WDR70: variants seen among roughly 807,000 people sequenced by gnomAD.
WDR70 encodes the protein WD repeat-containing protein 70.
A neutral mutation model predicts 88.6 loss-of-function variants in WDR70; 53 were observed. The ratio of observed to expected loss-of-function variants is 0.60; its 90% CI spans 0.48 to 0.75. WDR70 has a LOEUF of 0.75. Among genes scored for constraint, WDR70 ranks in the 30% least tolerant of loss-of-function variants. WDR70 has a pLI of 0.00. For synonymous variants in WDR70, 280 were observed against 270.0 expected (o/e 1.04, Z -0.36); for missense variants, 610 against 823.2 (o/e 0.74, Z 3.17).
At chr5:37,655,204 AGCTTAGTTTG>A (rs1745518378) in intron 10 of WDR70, among the ~76,000 whole-genome samples, 1 of 152,102 alleles carries the variant, frequency 6.6e-6, no homozygotes, top group Admixed American at 6.5e-5. Context: ...TCGCTTATGA[AGCTTAGTTTG>A]GCTGGTTATG....
chr5:37,701,785 CA>C (rs58402399), intron 12 of WDR70, among the ~76,000 whole-genome samples: 28,725 of 114,536 alleles, frequency 0.25, 2,592 homozygotes, highest in Admixed American at 0.34. Flanking sequence ...GACTCCATCT[CA>C]AAAAAAAAAA....
chr5:37,710,973 C>T (rs938508123), intron 13 of WDR70, among the ~76,000 whole-genome samples: 29 of 151,878 alleles, frequency 1.9e-4, no homozygotes, highest in African/African-American at 6.3e-4. Context: ...TCTGAAAAAC[C>T]CTATGCCTTC....
chr5:37,577,329 G>A (rs538899), intron 9 of WDR70, among the ~76,000 whole-genome samples: 116,916 of 151,932 alleles, frequency 0.77, 45,505 homozygotes, highest in African/African-American at 0.88. Flanking sequence ...AAATAAAAAA[G>A]GAATAAACCA....
chr5:37,551,888 C>G (rs796405341), intron 9 of WDR70, among the ~76,000 whole-genome samples: 7 of 149,548 alleles, frequency 4.7e-5, no homozygotes, highest in African/African-American at 1.7e-4. Flanking sequence ...TCACCTGCCT[C>G]AGCCTCCCGA....
At chr5:37,435,816 G>A (rs1378266535) in intron 5 of WDR70, among the ~76,000 whole-genome samples, 2 of 152,110 alleles carry the variant, frequency 1.3e-5, no homozygotes, top group South Asian at 2.1e-4. Context: ...ACAATCTAGT[G>A]TGATGAACAA....
In WDR70 at chr5:37,661,619, A is replaced by G. The variant is rs150722080; in HGVS notation, c.1093-36036A>G. On this transcript the variant is annotated intron_variant, in intron 10 of 17. Transcript: ENST00000265107. The stretch of plus-strand genomic sequence containing the variant: ...CAGAGTTTTTAAACATAAGATAGAT[A>G]TAAGTGGGGAGTGCTGATTGGTCAG... Among the ~76,000 whole-genome samples the G allele has an allele frequency of 9.7e-3, 1,476 of 152,278 alleles. 12 individuals are homozygous for G. Among genetic ancestry groups the G allele is most frequent in the Non-Finnish European group, 0.011 (731 of 68,014 alleles).
chr5:37,456,852 G>C (rs1344619973), intron 7 of WDR70, among the ~76,000 whole-genome samples: 1 of 152,088 alleles, frequency 6.6e-6, no homozygotes, highest in Non-Finnish European at 1.5e-5. Context: ...TAAAGAAAGG[G>C]ATATTTGAAA....
intron 10 of WDR70, among the ~76,000 whole-genome samples, chr5:37,632,472 G>T (rs1407120865): frequency 6.6e-6 from 1 of 152,138 alleles, no homozygotes; most frequent in African/African-American, 2.4e-5. Context: ...TCAGTGGGTT[G>T]ATATATAATG....
At chr5:37,614,858 C>T (rs1304487467) in intron 10 of WDR70, among the ~76,000 whole-genome samples, 1 of 151,946 alleles carries the variant, frequency 6.6e-6, no homozygotes, top group African/African-American at 2.4e-5. Flanking sequence ...TTATACTAAA[C>T]AGAATAAGCA....
intron 7 of WDR70, among the ~76,000 whole-genome samples, chr5:37,466,671 A>G (rs1417902427): frequency 7.4e-6 from 1 of 134,884 alleles, no homozygotes; most frequent in Non-Finnish European, 1.5e-5. Context: ...GCGCCACTGC[A>G]CTCCAGCCTG....
At chr5:37,530,031 A>T (rs1741432769) in intron 9 of WDR70, among the ~76,000 whole-genome samples, 1 of 152,146 alleles carries the variant, frequency 6.6e-6, no homozygotes, top group African/African-American at 2.4e-5. Flanking sequence ...TTAATCATAA[A>T]ACGATGTTGG....
At position 37,425,107 on chromosome 5, in the gene WDR70, G is replaced by A. The variant is rs535162441; in HGVS notation, c.493-12815G>A. Reference sequence around the variant, plus strand: ...CAAAAAATAGAAAAATTAGCTGTGCGTGGTCATGCAGGCCTGTGGTCCCAG... The same window carrying A: ...CAAAAAATAGAAAAATTAGCTGTGCATGGTCATGCAGGCCTGTGGTCCCAG... On this transcript the variant is annotated intron_variant, in intron 5 of 17. Transcript: ENST00000265107. Among the ~76,000 whole-genome samples the A allele has an allele frequency of 4.6e-5, 7 of 152,308 alleles. No homozygotes were observed. In the South Asian group the frequency reaches 6.2e-4, roughly 14 times the overall value.
chr5:37,557,901 A>ATACTCTTTTGAAAACTCTTCAAAAGTG (rs1742340723), intron 9 of WDR70, among the ~76,000 whole-genome samples: 1 of 30,806 alleles, frequency 3.2e-5, no homozygotes, highest in African/African-American at 1.1e-4. Flanking sequence ...CTTCAGATTT[A>ATACTCTTTTGAAAACTCTTCAAAAGTG]TACTCTTTTG....
At chr5:37,651,276 C>A (rs558236608) in intron 10 of WDR70, among the ~76,000 whole-genome samples, 7 of 152,060 alleles carry the variant, frequency 4.6e-5, no homozygotes, top group Non-Finnish European at 1.0e-4. Context: ...TCCATGTCCC[C>A]GCAAAGGACA....
At chr5:37,604,880 C>T (rs144945683) in intron 9 of WDR70, among the ~76,000 whole-genome samples, 184 bp from the exon 10 acceptor site, 3,147 of 152,296 alleles carry the variant, frequency 0.021, 47 homozygotes, top group Non-Finnish European at 0.03. Flanking sequence ...TACTTTATTT[C>T]CATGAGTAAC....
intron 9 of WDR70, among the ~76,000 whole-genome samples, chr5:37,542,456 T>C (rs1206119967): frequency 6.6e-6 from 1 of 152,070 alleles, no homozygotes; most frequent in Non-Finnish European, 1.5e-5. Flanking sequence ...ATTTTTTGTA[T>C]TTTTAGTAGA....
chr5:37,464,028 G>A (rs890754094), intron 7 of WDR70, among the ~76,000 whole-genome samples: 17 of 152,372 alleles, frequency 1.1e-4, no homozygotes, highest in Non-Finnish European at 2.4e-4. Context: ...CCCACCAAAT[G>A]TAGATAGAAC....
chr5:37,680,158 C>CTT (rs35533012), intron 10 of WDR70, among the ~76,000 whole-genome samples: 3 of 146,850 alleles, frequency 2.0e-5, no homozygotes, highest in African/African-American at 7.5e-5. Flanking sequence ...TGATGTTGAG[C>CTT]TTTTTTTTTT....
At chr5:37,664,714 G>T (rs943313695) in intron 10 of WDR70, among the ~76,000 whole-genome samples, 4 of 152,156 alleles carry the variant, frequency 2.6e-5, no homozygotes, top group African/African-American at 7.2e-5. Flanking sequence ...CTCATTGTTG[G>T]GTAAGGAGCC....
Sources: allele counts gnomAD v4.1 joint callset (sites outside exome capture counted in the v4.1 genomes callset), GRCh38; gene constraint gnomAD v4.1.1; transcripts MANE v1.5; gene names NCBI Gene and HGNC (gene_info 2026-07-23, HGNC 2026-07-21).